DCTN3: variants seen among roughly 807,000 people sequenced by gnomAD.
The protein encoded by DCTN3 is dynactin 3 (p22).
In DCTN3, 25 loss-of-function variants were observed where a neutral mutation model predicts 28.4. The observed-to-expected ratio is 0.88, with a 90% CI of 0.64 to 1.23. The LOEUF is 1.23. Among genes scored for constraint, DCTN3 ranks in the 50% most tolerant of loss-of-function variants. The probability of loss-of-function intolerance (pLI) is 0.00; values close to 1 mark genes in which losing one functional copy is unlikely to be tolerated. For synonymous variants in DCTN3, 81 were observed against 91.4 expected (o/e 0.89, Z 0.65); for missense variants, 229 against 232.0 (o/e 0.99, Z 0.08).
rs1820458638 is a variant in DCTN3 at position 34,617,871 on chromosome 9, T to C, written c.268+14A>G. 2.5e-6 allele frequency: 4 copies of C among 1,613,536 alleles called. No individual in the cohort carries two copies. Among genetic ancestry groups the C allele is most frequent in the Non-Finnish European group, 3.4e-6 (4 of 1,179,756 alleles). On this transcript the variant is annotated intron_variant, in intron 3 of 6. Transcript: ENST00000259632. Reference sequence around the variant, plus strand: ...ACATCCTCAGATGCATGTACACATGTAGTCCAGCATTACCTGCTAGGATGA... The same window carrying C: ...ACATCCTCAGATGCATGTACACATGCAGTCCAGCATTACCTGCTAGGATGA...
At position 34,614,340 on chromosome 9, in the gene DCTN3, T is replaced by C. The variant is rs1820373453; in HGVS notation, c.412-239A>G. 1.0e-5 allele frequency: 8 copies of C among 790,178 alleles called. 1 individual carries two copies. The highest frequency in any genetic ancestry group is 1.6e-5 in the Non-Finnish European group (8 of 509,368). The allele number at this position is 790,178 out of a possible 1,614,324, so 48.9% of individuals were successfully genotyped here. A position where few individuals can be genotyped will look rare whatever the true frequency, so the allele number is the denominator to read the frequency against. ...CCATACATTAAGTAAACATTCCCCCTAGTGTATGTCTCTTCTTCTGTCCTT... is the reference window on the plus strand; with the variant it reads ...CCATACATTAAGTAAACATTCCCCCCAGTGTATGTCTCTTCTTCTGTCCTT... On this transcript the variant is annotated intron_variant, in intron 5 of 6. Coordinates refer to ENST00000259632, the MANE Select transcript of DCTN3 (RefSeq NM_007234.5).
Position 34,616,106 on chromosome 9 carries a change from C to T in DCTN3, c.276G>A (p.Gln92=). 1 of 1,614,020 alleles carries T rather than the reference C, an allele frequency of 6.2e-7. No individual in the cohort carries two copies. Among genetic ancestry groups the T allele is most frequent in the Non-Finnish European group, 8.5e-7 (1 of 1,179,926 alleles). ...SKLQFILAEE[Q]FILSQVALLE... ...GGAGTGCAACCTGGGAAAGGATAAA[C>T]TGCTCCTCTAAAGCAAAAATGGACA... Residue 92 remains glutamine (Q), a synonymous_variant, in exon 4 of 7, where the codon CAG becomes CAA. Transcript: ENST00000259632. The surrounding 1 kb of genome is among the most constrained non-coding windows in gnomAD (Gnocchi z 4.7).
intron 1 of DCTN3, 83 bp downstream of exon 1, chr9:34,620,286 T>A (rs912125820): frequency 3.3e-6 from 4 of 1,204,662 alleles, no homozygotes; most frequent in Middle Eastern, 3.9e-4. Flanking sequence ...AGAACAGGAC[T>A]GGAGCGGTTG....
chr9:34,615,950 C>G (rs1820416931), intron 4 of DCTN3, 80 bp downstream of exon 4: 2 of 1,221,598 alleles, frequency 1.6e-6, no homozygotes, highest in African/African-American at 1.5e-5. Flanking sequence ...TCCACACAAC[C>G]TGAAACACAG....
Position 34,616,169 on chromosome 9 carries a change from C to A in DCTN3, c.269-56G>T. 1 of 1,438,912 alleles carries A rather than the reference C, an allele frequency of 6.9e-7. No homozygotes were observed. Among genetic ancestry groups the A allele is most frequent in the South Asian group, 1.2e-5 (1 of 86,104 alleles). The allele number at this position is 1,438,912 out of a possible 1,614,324, so 89.1% of individuals were successfully genotyped here. A position where few individuals can be genotyped will look rare whatever the true frequency, so the allele number is the denominator to read the frequency against. ...TGAAGCAAACCTGGGCATTGCTAAT[C>A]AGCCCATGTAAGGGCCTGAGGACCT... On this transcript the variant is annotated intron_variant, in intron 3 of 6. Coordinates refer to ENST00000259632, the MANE Select transcript of DCTN3 (RefSeq NM_007234.5). This position sits in a 1 kb window ranked among gnomAD's most constrained non-coding sequence, Gnocchi z 4.7.
intron 1 of DCTN3, 67 bp downstream of exon 1, chr9:34,620,302 C>A: frequency 7.0e-7 from 1 of 1,429,822 alleles, no homozygotes; most frequent in South Asian, 1.2e-5. Flanking sequence ...GGTTGCATCC[C>A]GAGGGCCAGG....
chr9:34,615,021 C>T (rs1820391907), intron 4 of DCTN3: 1 of 517,928 alleles, frequency 1.9e-6, no homozygotes, highest in East Asian at 3.2e-5. Context: ...CAGTGTTGCT[C>T]CCTACCCCCA....
chr9:34,614,256 T>G, intron 5 of DCTN3, 155 bp from the exon 6 acceptor site: 1 of 1,539,954 alleles, frequency 6.5e-7, no homozygotes, highest in Non-Finnish European at 8.8e-7. Context: ...TGGGAGCACT[T>G]TCAGGCTCCA....
chr9:34,614,239 A>G, intron 5 of DCTN3, 138 bp from the exon 6 acceptor site: 1 of 1,572,182 alleles, frequency 6.4e-7, no homozygotes, highest in Non-Finnish European at 8.6e-7. Flanking sequence ...AAAGGAGCAA[A>G]TGGCTATGGG....
At chr9:34,620,156 A>G (rs1014631407) in intron 1 of DCTN3, among the ~76,000 whole-genome samples, 11 of 152,158 alleles carry the variant, frequency 7.2e-5, no homozygotes, top group African/African-American at 2.7e-4. Context: ...TACAGTAGGT[A>G]CGGAGCCCAC....
Position 34,618,671 on chromosome 9 carries a change from C to T in DCTN3, c.181+5G>A. 7 of 1,613,130 alleles carry T rather than the reference C, an allele frequency of 4.3e-6. No individual in the cohort carries two copies. In the South Asian group the frequency reaches 6.6e-5, roughly 15 times the overall value. ...GGCAGGCAGGCACATCATGGAAGCA[C>T]TTACTCTTTTTGTAGAGAATCTTCA... On this transcript the variant is annotated splice_donor_5th_base_variant and intron_variant, in intron 2 of 6. Coordinates refer to ENST00000259632, the MANE Select transcript of DCTN3 (RefSeq NM_007234.5).
chr9:34,614,665 C>T (rs1329369811), intron 5 of DCTN3, 45 bp downstream of exon 5: 2 of 1,601,950 alleles, frequency 1.2e-6, no homozygotes, highest in South Asian at 2.2e-5. Flanking sequence ...GGATGAGGTG[C>T]TGCGCCACCT....
In DCTN3 at chr9:34,617,866, A is replaced by G. The variant is rs770535946; in HGVS notation, c.268+19T>C. Reference sequence around the variant, plus strand: ...GACCCACATCCTCAGATGCATGTACACATGTAGTCCAGCATTACCTGCTAG... The same window carrying G: ...GACCCACATCCTCAGATGCATGTACGCATGTAGTCCAGCATTACCTGCTAG... On this transcript the variant is annotated intron_variant, in intron 3 of 6. Coordinates refer to ENST00000259632, the MANE Select transcript of DCTN3 (RefSeq NM_007234.5). 6 of 1,613,462 alleles carry G rather than the reference A, an allele frequency of 3.7e-6. No individual in the cohort carries two copies. Among genetic ancestry groups the G allele is most frequent in the African/African-American group, 2.7e-5 (2 of 74,914 alleles).
chr9:34,616,154 C>G lies in DCTN3; in HGVS notation c.269-41G>C, dbSNP rs1282666072. ...ACAAGATAGTTGCAGTGAAGCAAAC[C>G]TGGGCATTGCTAATCAGCCCATGTA... On this transcript the variant is annotated intron_variant, in intron 3 of 6. Coordinates refer to ENST00000259632, the MANE Select transcript of DCTN3 (RefSeq NM_007234.5). This position sits in a 1 kb window ranked among gnomAD's most constrained non-coding sequence, Gnocchi z 4.7. The G allele has an allele frequency of 7.2e-6, 11 of 1,528,598 alleles. No homozygotes were observed. Among genetic ancestry groups the G allele is most frequent in the Non-Finnish European group, 1.0e-5 (11 of 1,104,252 alleles). 94.7% of individuals were successfully genotyped at this position (1,528,598 alleles called of 1,614,324 possible).
intron 3 of DCTN3, among the ~76,000 whole-genome samples, chr9:34,617,097 C>T (rs1820439644): frequency 6.6e-6 from 1 of 152,164 alleles, no homozygotes; most frequent in Non-Finnish European, 1.5e-5. Flanking sequence ...AAACTTGGTG[C>T]TTGAGCGATG....
In DCTN3 at chr9:34,613,819, A is replaced by G; in HGVS notation, c.524T>C (p.Leu175Pro). 1 of 1,614,142 alleles carries G rather than the reference A, an allele frequency of 6.2e-7. No homozygotes were observed. Among genetic ancestry groups the G allele is most frequent in the Non-Finnish European group, 8.5e-7 (1 of 1,180,002 alleles). ...TGGCTTCACTTGCGTGGCGGCCTCT[A>G]GCTGGCAAAGTAGCTCATCCCACTG... ...FVQWDELLCQ[L>P]EAATQVKPAE... The change falls in exon 7 of 7, where the codon CTA (leucine) becomes CCA (proline). Residue 175 changes from leucine (L) to proline (P), a missense_variant. Coordinates refer to ENST00000259632, the MANE Select transcript of DCTN3 (RefSeq NM_007234.5).
In DCTN3 at chr9:34,613,807, G is replaced by A. The variant is rs550305018; in HGVS notation, c.536C>T (p.Thr179Met). The change falls in exon 7 of 7, where the codon ACG becomes ATG. Residue 179 changes from threonine (T) to methionine (M), a missense_variant. By Grantham distance (81) the Thr-to-Met change is moderately conservative (BLOSUM62 -1). Transcript: ENST00000259632. ...TCACTCCTCTGCTGGCTTCACTTGCGTGGCGGCCTCTAGCTGGCAAAGTAG... is the reference window on the plus strand; with the variant it reads ...TCACTCCTCTGCTGGCTTCACTTGCATGGCGGCCTCTAGCTGGCAAAGTAG... Reference protein sequence around the residue: ...DELLCQLEAATQVKPAEE With the variant: ...DELLCQLEAAMQVKPAEE The A allele has an allele frequency of 1.4e-4, 231 of 1,614,092 alleles. 2 individuals carry two copies. Among genetic ancestry groups the A allele is most frequent in the South Asian group, 6.2e-4 (56 of 91,032 alleles).
Position 34,618,723 on chromosome 9 carries a change from C to G in DCTN3, c.134G>C (p.Gly45Ala), listed in dbSNP as rs149771118. The G allele has an allele frequency of 3.8e-4, 612 of 1,614,112 alleles. 5 individuals carry two copies. In the East Asian group the frequency reaches 0.013, roughly 35 times the overall value. ...CCTCTCCCTCTTGCTGGAAATGTTCCCCAAAGCCACCTGCACCTTGACCAG... is the reference window on the plus strand; with the variant it reads ...CCTCTCCCTCTTGCTGGAAATGTTCGCCAAAGCCACCTGCACCTTGACCAG... ...DGLVKVQVAL[G>A]NISSKRERVK... Residue 45 changes from glycine to alanine, a missense_variant, in exon 2 of 7, where the codon GGG becomes GCG. Physicochemically the swap from Gly to Ala is moderately conservative, Grantham distance 60. Coordinates refer to ENST00000259632, the MANE Select transcript of DCTN3 (RefSeq NM_007234.5).
intron 4 of DCTN3, 146 bp from the exon 5 acceptor site, chr9:34,614,914 T>C (rs557194673): frequency 1.1e-6 from 1 of 945,482 alleles, no homozygotes; most frequent in East Asian, 2.6e-5. Flanking sequence ...CAGCTGGAGG[T>C]GGCAGTGGGG....
Sources: gnomAD v4.1 joint callset for allele counts (sites outside exome capture counted in the v4.1 genomes callset) on GRCh38, gnomAD v4.1.1 for gene constraint, Gnocchi (gnomAD v3.1) non-coding constraint, MANE v1.5 for transcripts, NCBI Gene and HGNC (gene_info 2026-07-23, HGNC 2026-07-21) for gene names.